The following TTC28 variants were observed in gnomAD, a reference collection of about 807,000 sequenced individuals.
TTC28 encodes tetratricopeptide repeat protein 28.
A neutral mutation model predicts 198.0 loss-of-function variants in TTC28; 61 were observed. The observed-to-expected ratio is 0.31, with a 90% CI of 0.25 to 0.38. TTC28 has a LOEUF of 0.38. Ranked by LOEUF, TTC28 falls within the 10% of genes least tolerant of loss-of-function variation. The pLI is 1.00. For missense variants in TTC28, 2,678 were observed against 3,164.0 expected (o/e 0.85, Z 3.69); for synonymous variants, 1,171 against 1,297.8 (o/e 0.90, Z 2.10).
Position 28,593,457 on chromosome 22 carries a change from ATAGGTAGGTAGC to A in TTC28, c.381+36083_381+36094del, listed in dbSNP as rs1451140454. On this transcript the variant is annotated intron_variant, in intron 2 of 22. Coordinates refer to ENST00000397906, the MANE Select transcript of TTC28 (RefSeq NM_001145418.2). ...GACAGACAGGTAGGTAGATAGGTAG[ATAGGTAGGTAGC>A]TAGGTAGGTAGGTAGGTAGGTAGGT... Among the ~76,000 whole-genome samples the A allele has an allele frequency of 1.9e-3, 280 of 145,818 alleles. 1 individual carries two copies. The East Asian group carries it at 0.05, about 26-fold the overall frequency.
intron 2 of TTC28, among the ~76,000 whole-genome samples, chr22:28,341,972 C>T (rs1657561866): frequency 6.6e-6 from 1 of 151,926 alleles, no homozygotes; most frequent in Admixed American, 6.6e-5. Flanking sequence ...GAGCAAGATC[C>T]TGTCGCTTAA....
chr22:28,292,809 A>G (rs2044812752), intron 5 of TTC28, among the ~76,000 whole-genome samples: 1 of 152,194 alleles, frequency 6.6e-6, no homozygotes, highest in African/African-American at 2.4e-5. Context: ...CATGTATTAA[A>G]GCTTGCCTCA....
Position 28,175,577 on chromosome 22 carries a change from C to G in TTC28, c.934-11978G>C, listed in dbSNP as rs1923085476. ...TGAAACCCCATCTCTACTAAAAATACAAAAAATTATCCGGGCACGGTGGTG... is the reference window on the plus strand; with the variant it reads ...TGAAACCCCATCTCTACTAAAAATAGAAAAAATTATCCGGGCACGGTGGTG... On this transcript the variant is annotated intron_variant, in intron 5 of 22. Transcript: ENST00000397906. Among the ~76,000 whole-genome samples the G allele has an allele frequency of 2.6e-5, 4 of 151,848 alleles. No homozygotes were observed. In the South Asian group the frequency reaches 8.3e-4, roughly 32 times the overall value.
chr22:28,475,017 T>A (rs1746498438), intron 2 of TTC28, among the ~76,000 whole-genome samples: 1 of 150,878 alleles, frequency 6.6e-6, no homozygotes, highest in Admixed American at 6.6e-5. Context: ...AAAAGAACAT[T>A]AAGAAAACAA....
intron 14 of TTC28, chr22:28,001,994 A>T (rs1490938884): frequency 5.8e-6 from 1 of 173,500 alleles, no homozygotes; most frequent in Non-Finnish European, 1.3e-5. Flanking sequence ...CCCCTGTAGA[A>T]GGGGATGGGC....
At chr22:28,642,682 G>A (rs1232521617) in intron 1 of TTC28, among the ~76,000 whole-genome samples, 1 of 152,126 alleles carries the variant, frequency 6.6e-6, no homozygotes, top group Non-Finnish European at 1.5e-5. Context: ...AAGGCAATAA[G>A]GACCAGGCAT....
At chr22:28,370,384 C>A (rs1248520924) in intron 2 of TTC28, among the ~76,000 whole-genome samples, 1 of 152,202 alleles carries the variant, frequency 6.6e-6, no homozygotes, top group Non-Finnish European at 1.5e-5. Flanking sequence ...CTGCTCAAAC[C>A]TCTATAAATA....
At chr22:28,032,759 T>C (rs2146642102) in intron 12 of TTC28, among the ~76,000 whole-genome samples, 1 of 152,216 alleles carries the variant, frequency 6.6e-6, no homozygotes, top group Non-Finnish European at 1.5e-5. Context: ...TAAAAGGCTC[T>C]AAGCTTCTCA....
rs531133154 is a variant in TTC28, at chr22:28,011,585, G to T, written c.4218+2663C>A. On this transcript the variant is annotated intron_variant, in intron 14 of 22. Transcript: ENST00000397906. The stretch of plus-strand genomic sequence containing the variant: ...GCATTCAAGCCTGGGGACAGAGCAA[G>T]ACTCTGTCTTAAAAATATATATGTA... Among the ~76,000 whole-genome samples the T allele has an allele frequency of 3.9e-5, 6 of 152,236 alleles. No individual in the cohort carries two copies. In the East Asian group the frequency reaches 5.8e-4, roughly 15 times the overall value.
chr22:28,275,016 G>A (rs1932333070), intron 5 of TTC28, among the ~76,000 whole-genome samples: 2 of 143,262 alleles, frequency 1.4e-5, no homozygotes, highest in East Asian at 2.0e-4. Flanking sequence ...AGAGAGAGAA[G>A]CATTAGGAAT....
chr22:28,236,867 C>T (rs1331908193), intron 5 of TTC28, among the ~76,000 whole-genome samples: 4 of 152,134 alleles, frequency 2.6e-5, no homozygotes, highest in Admixed American at 2.6e-4. Context: ...GAATGGAACT[C>T]TGAAAAATAG....
At position 28,137,315 on chromosome 22, in the gene TTC28, A is replaced by G. The variant is rs145686359; in HGVS notation, c.1441+25777T>C. On this transcript the variant is annotated intron_variant, in intron 6 of 22. Transcript: ENST00000397906. ...GGAGTTGTCTCAAGCTAACTTCTATACTGATTCACAGGAAATTCATGCATC... is the reference window on the plus strand; with the variant it reads ...GGAGTTGTCTCAAGCTAACTTCTATGCTGATTCACAGGAAATTCATGCATC... 4.9e-4 allele frequency among the ~76,000 whole-genome samples: 74 copies of G among 152,216 alleles called. 2 individuals carry two copies. The East Asian group carries it at 0.011, about 23-fold the overall frequency.
At chr22:28,665,530 A>G in intron 1 of TTC28, among the ~76,000 whole-genome samples, 1 of 58,368 alleles carries the variant, frequency 1.7e-5, no homozygotes, top group Non-Finnish European at 3.4e-5. Flanking sequence ...TTAAACCAGC[A>G]AAGATCAAAA....
intron 2 of TTC28, among the ~76,000 whole-genome samples, chr22:28,393,133 T>C (rs2046761122): frequency 6.6e-6 from 1 of 152,136 alleles, no homozygotes; most frequent in African/African-American, 2.4e-5. Context: ...TCCTCCGACC[T>C]TGGCCTCTCA....
intron 2 of TTC28, among the ~76,000 whole-genome samples, chr22:28,560,465 G>A (rs553629149): frequency 6.6e-6 from 1 of 152,270 alleles, no homozygotes; most frequent in African/African-American, 2.4e-5. Context: ...ACAAGGTCCT[G>A]TAACTTATGA....
intron 5 of TTC28, among the ~76,000 whole-genome samples, chr22:28,199,527 A>C (rs1925718959): frequency 1.9e-5 from 1 of 53,510 alleles, no homozygotes; most frequent in African/African-American, 5.0e-5. Flanking sequence ...AGAAATACCT[A>C]TACATATATA....
chr22:28,488,574 C>T (rs1437008814), intron 2 of TTC28, among the ~76,000 whole-genome samples: 1 of 152,110 alleles, frequency 6.6e-6, no homozygotes, highest in Non-Finnish European at 1.5e-5. Context: ...TCAATATTCT[C>T]AGAAATTTCT....
intron 1 of TTC28, among the ~76,000 whole-genome samples, chr22:28,671,076 A>G (rs2051872230): frequency 6.6e-6 from 1 of 151,928 alleles, no homozygotes; most frequent in African/African-American, 2.4e-5. Flanking sequence ...TGCAGCTGCG[A>G]TTTCCCAGGC....
intron 2 of TTC28, among the ~76,000 whole-genome samples, chr22:28,549,662 C>A (rs2049622311): frequency 2.6e-5 from 4 of 152,136 alleles, no homozygotes; most frequent in Admixed American, 2.6e-4. Context: ...TGAACAAAAA[C>A]ATCTTTAAAT....
Sources: allele counts gnomAD v4.1 joint callset (sites outside exome capture counted in the v4.1 genomes callset), GRCh38; gene constraint gnomAD v4.1.1; transcripts MANE v1.5; gene names NCBI Gene and HGNC (gene_info 2026-07-23, HGNC 2026-07-21).